Variants in SGCZ observed in about 807,000 individuals in gnomAD.
The protein encoded by SGCZ is zeta-sarcoglycan.
SGCZ carries 40 observed loss-of-function variants against 41.3 expected under a neutral mutation model. The observed-to-expected ratio is 0.97, with a 90% CI of 0.75 to 1.26. The LOEUF (loss-of-function observed/expected upper bound fraction) is 1.26, where lower values mean the gene tolerates loss of function less well. SGCZ is among the 50% of genes most tolerant of loss of function. The probability of loss-of-function intolerance (pLI) is 0.00; values close to 1 mark genes in which losing one functional copy is unlikely to be tolerated. For synonymous variants in SGCZ, 206 were observed against 137.5 expected (o/e 1.50, Z -3.49); for missense variants, 552 against 369.8 (o/e 1.49, Z -4.04).
At chr8:14,896,304 G>T (rs1333145894) in intron 1 of SGCZ, among the ~76,000 whole-genome samples, 1 of 152,102 alleles carries the variant, frequency 6.6e-6, no homozygotes, top group Non-Finnish European at 1.5e-5. Context: ...AAGAAGGTGT[G>T]CAAGATCCTC....
intron 1 of SGCZ, among the ~76,000 whole-genome samples, chr8:14,565,610 C>T (rs971747738): frequency 9.2e-5 from 14 of 152,020 alleles, no homozygotes; most frequent in Non-Finnish European, 1.9e-4. Context: ...TAAGGAAAAA[C>T]AAATTGGCCA....
chr8:14,668,160 A>G (rs1359590165), intron 1 of SGCZ, among the ~76,000 whole-genome samples: 1 of 152,066 alleles, frequency 6.6e-6, no homozygotes, highest in Non-Finnish European at 1.5e-5. Context: ...GGGATTCACC[A>G]TGTTGGCCAG....
intron 1 of SGCZ, among the ~76,000 whole-genome samples, chr8:15,223,527 G>C (rs778530609): frequency 2.0e-5 from 3 of 152,138 alleles, no homozygotes; most frequent in African/African-American, 7.2e-5. Flanking sequence ...TTTTAATTCT[G>C]TATTTGATCC....
intron 1 of SGCZ, among the ~76,000 whole-genome samples, chr8:14,669,825 G>A (rs945840256): frequency 5.9e-5 from 9 of 151,892 alleles, no homozygotes; most frequent in African/African-American, 9.7e-5. Context: ...ATATCTCATC[G>A]AGATCCTCAC....
intron 3 of SGCZ, among the ~76,000 whole-genome samples, chr8:14,276,282 T>C (rs1339450970): frequency 1.3e-5 from 2 of 152,192 alleles, no homozygotes; most frequent in African/African-American, 2.4e-5. Flanking sequence ...TGAAACTGAT[T>C]AAATGATTCC....
intron 2 of SGCZ, among the ~76,000 whole-genome samples, chr8:14,430,386 T>C (rs1028105433): frequency 7.2e-5 from 11 of 152,146 alleles, no homozygotes; most frequent in African/African-American, 2.7e-4. Context: ...CAGTAATGGT[T>C]TAACATATAC....
chr8:15,008,882 C>T (rs561441462), intron 1 of SGCZ, among the ~76,000 whole-genome samples: 4 of 151,762 alleles, frequency 2.6e-5, no homozygotes, highest in Admixed American at 6.6e-5. Flanking sequence ...CCCTGACAAT[C>T]ACATTTTTTT....
chr8:14,910,260 T>C (rs1799244398), intron 1 of SGCZ, among the ~76,000 whole-genome samples: 1 of 152,088 alleles, frequency 6.6e-6, no homozygotes. Flanking sequence ...ACAGTATTTC[T>C]CTAATTTATA....
chr8:15,135,615 C>G (rs997774964), intron 1 of SGCZ, among the ~76,000 whole-genome samples: 5 of 152,154 alleles, frequency 3.3e-5, no homozygotes, highest in Admixed American at 2.6e-4. Flanking sequence ...TCTACAAATT[C>G]TGGAGGCTCT....
At chr8:14,931,696 A>T (rs1275874643) in intron 1 of SGCZ, among the ~76,000 whole-genome samples, 1 of 152,094 alleles carries the variant, frequency 6.6e-6, no homozygotes, top group Non-Finnish European at 1.5e-5. Context: ...ATTATAAAAT[A>T]AATATAGTAC....
At chr8:14,400,847 G>C (rs1467645215) in intron 2 of SGCZ, among the ~76,000 whole-genome samples, 1 of 152,100 alleles carries the variant, frequency 6.6e-6, no homozygotes, top group Non-Finnish European at 1.5e-5. Flanking sequence ...TAGCATGGCA[G>C]CACAAGTTAA....
chr8:14,535,094 A>G (rs1473547561), intron 2 of SGCZ, among the ~76,000 whole-genome samples: 1 of 151,940 alleles, frequency 6.6e-6, no homozygotes, highest in Non-Finnish European at 1.5e-5. Context: ...TTTATGCACT[A>G]ACTGTACACA....
intron 1 of SGCZ, among the ~76,000 whole-genome samples, chr8:15,151,964 T>C (rs1363209051): frequency 6.6e-6 from 1 of 152,212 alleles, no homozygotes; most frequent in African/African-American, 2.4e-5. Context: ...GCCAACGACC[T>C]GACGTGATAT....
At chr8:15,128,691 C>T (rs1807792904) in intron 1 of SGCZ, among the ~76,000 whole-genome samples, 1 of 152,338 alleles carries the variant, frequency 6.6e-6, no homozygotes, top group Admixed American at 6.5e-5. Flanking sequence ...CAAAGAAACA[C>T]ATGTCCCCAC....
At chr8:15,082,542 C>A (rs1805793856) in intron 1 of SGCZ, among the ~76,000 whole-genome samples, 2 of 151,856 alleles carry the variant, frequency 1.3e-5, no homozygotes, top group Admixed American at 6.6e-5. Context: ...AAAATCCATG[C>A]AAAGGTCAGA....
At chr8:14,307,703 A>T (rs968797159) in intron 3 of SGCZ, among the ~76,000 whole-genome samples, 1 of 152,178 alleles carries the variant, frequency 6.6e-6, no homozygotes, top group Non-Finnish European at 1.5e-5. Context: ...TCTGATATAA[A>T]TTTTATTAAC....
chr8:14,385,091 A>G (rs760179242), intron 2 of SGCZ, among the ~76,000 whole-genome samples: 8 of 152,128 alleles, frequency 5.3e-5, no homozygotes, highest in Non-Finnish European at 1.2e-4. Context: ...ATGATTAACA[A>G]CTGTGTGTAG....
At chr8:14,136,836 C>A (rs1585167949) in intron 5 of SGCZ, among the ~76,000 whole-genome samples, 1 of 152,210 alleles carries the variant, frequency 6.6e-6, no homozygotes, top group Non-Finnish European at 1.5e-5. Flanking sequence ...TGAGAATGGA[C>A]AGACTGCCTC....
chr8:15,183,147 G>T (rs1202945601), intron 1 of SGCZ, among the ~76,000 whole-genome samples: 1 of 144,872 alleles, frequency 6.9e-6, no homozygotes, highest in Non-Finnish European at 1.5e-5. Flanking sequence ...GCCTTAGGCT[G>T]TTTTACAGTT....
Sources: gnomAD v4.1 joint callset for allele counts (sites outside exome capture counted in the v4.1 genomes callset) on GRCh38, gnomAD v4.1.1 for gene constraint, MANE v1.5 for transcripts, NCBI Gene and HGNC (gene_info 2026-07-23, HGNC 2026-07-21) for gene names.